Variants in FGF13 observed in about 807,000 individuals in gnomAD.
FGF13 encodes fibroblast growth factor 13.
Under a neutral mutation model 19.5 loss-of-function variants are expected in FGF13, and 2 were observed. The observed-to-expected ratio is 0.10, with a 90% CI of 0.04 to 0.32. FGF13 has a LOEUF of 0.32. Ranked by LOEUF, FGF13 falls within the 10% of genes least tolerant of loss-of-function variation. The pLI is 1.00. For missense variants in FGF13, 113 were observed against 192.7 expected (o/e 0.59, Z 2.45); for synonymous variants, 72 against 76.9 (o/e 0.94, Z 0.33).
chrX:138,653,046 G>A (rs941366758), intron 3 of FGF13, among the ~76,000 whole-genome samples: 6 of 111,682 alleles, frequency 5.4e-5, no homozygotes, highest in African/African-American at 2.0e-4. Context: ...GTAAAACATC[G>A]AAAGCAGGTT....
chrX:138,965,983 C>T (rs1166686946), intron 1 of FGF13, among the ~76,000 whole-genome samples: 2 of 112,324 alleles, frequency 1.8e-5, no homozygotes, highest in African/African-American at 3.2e-5. Flanking sequence ...GCTTTAAATG[C>T]CCCTGTGATC....
upstream of FGF13, chrX:139,204,179 G>A (rs1307054206): frequency 2.0e-6 from 2 of 1,010,777 alleles, no homozygotes; most frequent in Admixed American, 4.4e-5. Flanking sequence ...ACTTGGGAGA[G>A]TGCTTAGGGC....
At chrX:139,011,527 G>T (rs1415729363) in intron 1 of FGF13, among the ~76,000 whole-genome samples, 4 of 111,575 alleles carry the variant, frequency 3.6e-5, no homozygotes, top group Non-Finnish European at 7.5e-5. Flanking sequence ...TGCAGGGATA[G>T]TTTAACATAC....
At chrX:138,834,513 A>T (rs2091097656) in intron 3 of FGF13, among the ~76,000 whole-genome samples, 1 of 107,020 alleles carries the variant, frequency 9.3e-6, no homozygotes. Flanking sequence ...GTCATTTCTG[A>T]TTGTGTTTAT....
chrX:139,197,993 C>CAAAAAAAAAAAAAA (rs57335781), intron 1 of FGF13, among the ~76,000 whole-genome samples: 1 of 23,266 alleles, frequency 4.3e-5, no homozygotes, highest in Non-Finnish European at 8.1e-5. Context: ...GACCCTACCT[C>CAAAAAAAAAAAAAA]AAAAAAAAAA....
intron 3 of FGF13, among the ~76,000 whole-genome samples, chrX:138,759,287 T>C (rs2090450707): frequency 8.9e-6 from 1 of 112,262 alleles, no homozygotes. Flanking sequence ...CAAGCGAATA[T>C]TGATGCCCCG....
chrX:138,928,193 G>C (rs1326877814), intron 1 of FGF13, among the ~76,000 whole-genome samples: 2 of 110,551 alleles, frequency 1.8e-5, no homozygotes, highest in African/African-American at 6.5e-5. Context: ...TGGATGTTTA[G>C]GGTTACATGT....
intron 3 of FGF13, among the ~76,000 whole-genome samples, chrX:138,820,523 T>C (rs2090992394): frequency 8.1e-5 from 9 of 111,695 alleles, no homozygotes; most frequent in Admixed American, 7.7e-4. Flanking sequence ...CAGCAATAGA[T>C]AATATGTAAA....
chrX:139,159,146 A>T (rs921808721), intron 1 of FGF13, among the ~76,000 whole-genome samples: 1 of 112,451 alleles, frequency 8.9e-6, no homozygotes, highest in African/African-American at 3.2e-5. Context: ...GAAACCCTAC[A>T]AGCCAGAAGA....
upstream of FGF13, among the ~76,000 whole-genome samples, chrX:138,740,345 C>T (rs181078984): frequency 2.7e-5 from 3 of 111,729 alleles, no homozygotes; most frequent in Non-Finnish European, 5.6e-5. Context: ...AGCCCCAGTA[C>T]CCATATTCAG....
chrX:139,125,800 G>A (rs768940301), intron 1 of FGF13, among the ~76,000 whole-genome samples: 15 of 111,027 alleles, frequency 1.4e-4, no homozygotes, highest in African/African-American at 2.3e-4. Context: ...TAGGTGGAAC[G>A]GACAAGGATA....
At chrX:139,161,039 C>T (rs1187680674) in intron 1 of FGF13, among the ~76,000 whole-genome samples, 1 of 111,571 alleles carries the variant, frequency 9.0e-6, no homozygotes, top group Admixed American at 9.5e-5. Flanking sequence ...AGAGACACAA[C>T]AACAACAAAA....
intron 1 of FGF13, among the ~76,000 whole-genome samples, chrX:138,940,237 T>A (rs2124271841): frequency 8.9e-6 from 1 of 111,781 alleles, no homozygotes; most frequent in African/African-American, 3.2e-5. Context: ...AGTGTCCTTT[T>A]CAAAACTGTT....
chrX:139,020,542 G>T (rs985608944), intron 1 of FGF13, among the ~76,000 whole-genome samples: 1 of 111,021 alleles, frequency 9.0e-6, no homozygotes, highest in Non-Finnish European at 1.9e-5. Flanking sequence ...TATGGGGCCT[G>T]GTTCATACCT....
chrX:139,086,736 C>A (rs930473248), intron 1 of FGF13, among the ~76,000 whole-genome samples: 1 of 111,760 alleles, frequency 8.9e-6, no homozygotes, highest in Non-Finnish European at 1.9e-5. Context: ...ATATGTGTTG[C>A]GTGAATTTCA....
chrX:139,052,163 G>T (rs2092304642), intron 1 of FGF13, among the ~76,000 whole-genome samples: 2 of 100,699 alleles, frequency 2.0e-5, no homozygotes, highest in South Asian at 9.0e-4. Context: ...GCTTTAATGT[G>T]AAAATTTTGT....
At chrX:139,038,866 A>G (rs758316207) in intron 1 of FGF13, among the ~76,000 whole-genome samples, 1 of 112,379 alleles carries the variant, frequency 8.9e-6, no homozygotes, top group Non-Finnish European at 1.9e-5. Context: ...AAGGCCTTGA[A>G]AAATTTGGTA....
chrX:138,674,768 T>C (rs1417754729), intron 3 of FGF13, among the ~76,000 whole-genome samples: 1 of 110,995 alleles, frequency 9.0e-6, no homozygotes, highest in Non-Finnish European at 1.9e-5. Context: ...GGTTTTCCAT[T>C]AGAGTGGATG....
In FGF13 at chrX:138,921,679, TG is replaced by T. The variant is rs781311889; in HGVS notation, c.-112-57030del. ...ATTTACAAGAAGACAGTCAATATTATGGGGCAGCTTGATTGCTATCCTGCAC... is the reference window on the plus strand; with the variant it reads ...ATTTACAAGAAGACAGTCAATATTATGGGCAGCTTGATTGCTATCCTGCAC... On this transcript the variant is annotated intron_variant, in intron 1 of 2. Coordinates refer to the FGF13 transcript ENST00000421460. Among the ~76,000 whole-genome samples the T allele has an allele frequency of 2.7e-5, 3 of 111,388 alleles. No homozygotes were observed. The East Asian group carries it at 8.5e-4, about 31-fold the overall frequency.
Sources: gnomAD v4.1 joint callset for allele counts (sites outside exome capture counted in the v4.1 genomes callset) on GRCh38, gnomAD v4.1.1 for gene constraint, MANE v1.5 for transcripts, NCBI Gene and HGNC (gene_info 2026-07-23, HGNC 2026-07-21) for gene names.